The following SAMD8 variants were observed in gnomAD, a reference collection of about 807,000 sequenced individuals.
The protein encoded by SAMD8 is sterile alpha motif domain containing 8.
In SAMD8, 20 loss-of-function variants were observed where a neutral mutation model predicts 42.0. The ratio of observed to expected loss-of-function variants is 0.48; its 90% CI spans 0.34 to 0.69. The LOEUF is 0.69. SAMD8 is among the 30% of genes least tolerant of loss of function. The pLI, the probability that SAMD8 is intolerant of heterozygous loss-of-function variation, is 0.01. For synonymous variants in SAMD8, 162 were observed against 173.0 expected (o/e 0.94, Z 0.50); for missense variants, 328 against 511.6 (o/e 0.64, Z 3.46).
chr10:75,128,487 C>T (rs1849198873), intron 1 of SAMD8, among the ~76,000 whole-genome samples: 1 of 152,128 alleles, frequency 6.6e-6, no homozygotes, highest in South Asian at 2.1e-4. Flanking sequence ...GTTGGGATTA[C>T]AGAAATGAGC....
upstream of SAMD8, chr10:75,108,079 G>A: frequency 6.2e-7 from 1 of 1,613,904 alleles, no homozygotes; most frequent in Middle Eastern, 1.7e-4. Flanking sequence ...TCGTGGGCTG[G>A]CACCCCCAGG....
At position 75,180,929 on chromosome 10, in the gene SAMD8, CT is replaced by C. The variant is rs1461351478; in HGVS notation, c.*4243del. The C allele has an allele frequency of 6.6e-6, 1 of 152,138 alleles. No homozygotes were observed. Among genetic ancestry groups the C allele is most frequent in the Non-Finnish European group, 1.5e-5 (1 of 68,030 alleles). The allele number at this position is 152,138 out of a possible 1,614,324, so 9.4% of individuals were successfully genotyped here. On this transcript the variant is annotated 3_prime_UTR_variant, in exon 6 of 6. Transcript: ENST00000542569. ...GTTTCACCATTAATTTCATAGTAAGCTTTTTTAAAGGATTCTAGATCTAAAT... is the reference window on the plus strand; with the variant it reads ...GTTTCACCATTAATTTCATAGTAAGCTTTTTAAAGGATTCTAGATCTAAAT...
At chr10:75,100,588 C>T (rs573479834) in intron 1 of SAMD8, among the ~76,000 whole-genome samples, 1 of 152,182 alleles carries the variant, frequency 6.6e-6, no homozygotes, top group Non-Finnish European at 1.5e-5. Context: ...ACAGGCCCAA[C>T]GTCCAGCAGG....
upstream of SAMD8, chr10:75,108,232 T>C: frequency 6.4e-7 from 1 of 1,574,500 alleles, no homozygotes; most frequent in Non-Finnish European, 8.6e-7. Flanking sequence ...GGAAGGGCAC[T>C]TGATGCCGGC....
intron 3 of SAMD8, among the ~76,000 whole-genome samples, chr10:75,166,105 T>C (rs1464448817): frequency 1.3e-5 from 2 of 151,652 alleles, no homozygotes; most frequent in African/African-American, 2.4e-5. Flanking sequence ...CACCAAAAAA[T>C]ATAGACGAAA....
At chr10:75,110,753 C>T, upstream of SAMD8, among the ~76,000 whole-genome samples, 1 of 152,150 alleles carries the variant, frequency 6.6e-6, no homozygotes, top group Admixed American at 6.5e-5. Context: ...TATCAGTTTG[C>T]AATATGTCAG....
intron 4 of SAMD8, among the ~76,000 whole-genome samples, chr10:75,174,985 A>G (rs1840959004): frequency 6.6e-6 from 1 of 152,156 alleles, no homozygotes; most frequent in South Asian, 2.1e-4. Context: ...AAAAAACCCC[A>G]TAATTCTTCT....
rs758429699 is a variant in SAMD8 at position 75,176,288 on chromosome 10, G to A, written c.943+72G>A. 1.4e-5 allele frequency: 22 copies of A among 1,610,200 alleles called. No individual in the cohort carries two copies. In the African/African-American group the frequency reaches 2.8e-4, roughly 21 times the overall value. On this transcript the variant is annotated intron_variant, in intron 5 of 5. Coordinates refer to ENST00000542569, the MANE Select transcript of SAMD8 (RefSeq NM_001174156.2). This position sits in a 1 kb window ranked among gnomAD's most constrained non-coding sequence, Gnocchi z 4.3. Reference sequence around the variant, plus strand: ...AGTGAAGGCTGTGGGAAGGGTGTCAGATCCTGTGAAGAATGGCAAAACAGC... The same window carrying A: ...AGTGAAGGCTGTGGGAAGGGTGTCAAATCCTGTGAAGAATGGCAAAACAGC...
At chr10:75,129,965 A>C (rs1849238493) in intron 1 of SAMD8, among the ~76,000 whole-genome samples, 1 of 152,192 alleles carries the variant, frequency 6.6e-6, no homozygotes, top group Non-Finnish European at 1.5e-5. Context: ...ACATGAACCT[A>C]AATTGAATCC....
Position 75,159,112 on chromosome 10 carries a change from A to G in SAMD8, c.579-5533A>G, listed in dbSNP as rs1433111542. Among the ~76,000 whole-genome samples the G allele has an allele frequency of 3.5e-5, 5 of 141,980 alleles. No individual in the cohort carries two copies. The East Asian group carries it at 8.3e-4, about 24-fold the overall frequency. The allele number at this position is 141,980 out of a possible 152,430, so 93.1% of individuals were successfully genotyped here. On this transcript the variant is annotated intron_variant, in intron 2 of 5. Transcript: ENST00000542569. ...CTCACTCTGTTACCCAGGCTGGAGT[A>G]TAGTGGTGCAATCTCAACTCACCGC...
chr10:75,124,948 T>C (rs10824279), intron 1 of SAMD8, among the ~76,000 whole-genome samples: 37,809 of 151,652 alleles, frequency 0.25, 5,215 homozygotes, highest in East Asian at 0.59. Context: ...GTTGTTGTTG[T>C]TTTTGTTTGT....
At chr10:75,109,079 G>A, upstream of SAMD8, 1 of 1,612,364 alleles carries the variant, frequency 6.2e-7, no homozygotes, top group Non-Finnish European at 8.5e-7. Context: ...GCCCGCAGGA[G>A]CTCCTCCAGC....
chr10:75,120,023 G>C (rs1026485998), intron 1 of SAMD8, among the ~76,000 whole-genome samples: 3 of 152,132 alleles, frequency 2.0e-5, no homozygotes, highest in African/African-American at 7.2e-5. Context: ...AGCCGAGATT[G>C]TACCACTGCA....
At chr10:75,107,964 G>A (rs746481592), upstream of SAMD8, 5 of 1,591,800 alleles carry the variant, frequency 3.1e-6, no homozygotes, top group South Asian at 2.3e-5. Flanking sequence ...GAGCAAGATG[G>A]GATATGGGCT....
intron 1 of SAMD8, among the ~76,000 whole-genome samples, chr10:75,134,615 G>A (rs190175572): frequency 1.6e-3 from 246 of 151,020 alleles, no homozygotes; most frequent in African/African-American, 4.0e-3. Context: ...AGCTTGGGTG[G>A]CAGAGTGAGA....
At position 75,176,796 on chromosome 10, in the gene SAMD8, G is replaced by T; in HGVS notation, c.*104G>T. 3.6e-6 allele frequency: 3 copies of T among 823,250 alleles called. No individual in the cohort carries two copies. Among genetic ancestry groups the T allele is most frequent in the Non-Finnish European group, 5.6e-6 (3 of 539,680 alleles). 51.0% of individuals were successfully genotyped at this position (823,250 alleles called of 1,614,324 possible). A position where few individuals can be genotyped will look rare whatever the true frequency, so the allele number is the denominator to read the frequency against. On this transcript the variant is annotated 3_prime_UTR_variant, in exon 6 of 6. Coordinates refer to ENST00000542569, the MANE Select transcript of SAMD8 (RefSeq NM_001174156.2). The surrounding 1 kb of genome is among the most constrained non-coding windows in gnomAD (Gnocchi z 4.3). Reference sequence around the variant, plus strand: ...TTGTTCTTAGATGCCTGGCTTATGTGTTGACAAAGTAAAGTTTTCTGTTCT... The same window carrying T: ...TTGTTCTTAGATGCCTGGCTTATGTTTTGACAAAGTAAAGTTTTCTGTTCT...
intron 4 of SAMD8, 108 bp downstream of exon 4, chr10:75,168,766 C>A: frequency 1.5e-6 from 1 of 681,146 alleles, no homozygotes; most frequent in Non-Finnish European, 2.6e-6. Flanking sequence ...TTTTTAGTAT[C>A]TGCAATGTCT....
At chr10:75,160,203 AT>A (rs879478261) in intron 2 of SAMD8, among the ~76,000 whole-genome samples, 15 of 148,958 alleles carry the variant, frequency 1.0e-4, no homozygotes, top group Non-Finnish European at 1.0e-4. Flanking sequence ...AGAAAATTAA[AT>A]TTTTTTTTTT....
intron 4 of SAMD8, among the ~76,000 whole-genome samples, chr10:75,171,510 T>C (rs930602337): frequency 2.0e-5 from 3 of 152,222 alleles, no homozygotes; most frequent in Non-Finnish European, 4.4e-5. Flanking sequence ...TTTACTTTTT[T>C]CTGAAGAAGT....
Sources: allele counts gnomAD v4.1 joint callset (sites outside exome capture counted in the v4.1 genomes callset), GRCh38; gene constraint gnomAD v4.1.1; non-coding constraint Gnocchi (gnomAD v3.1); transcripts MANE v1.5; gene names NCBI Gene and HGNC (gene_info 2026-07-23, HGNC 2026-07-21).